LIMS1: variants seen among roughly 807,000 people sequenced by gnomAD.
LIMS1 encodes the protein LIM zinc finger domain containing 1, also known as LIM and senescent cell antigen-like-containing domain protein 1.
In LIMS1, 18 loss-of-function variants were observed where a neutral mutation model predicts 44.1. The observed-to-expected ratio is 0.41, with a 90% CI of 0.28 to 0.61. The LOEUF is 0.61. Ranked by LOEUF, LIMS1 falls within the 20% of genes least tolerant of loss-of-function variation. The pLI is 0.32. For synonymous variants in LIMS1, 93 were observed against 149.1 expected (o/e 0.62, Z 2.74); for missense variants, 201 against 422.0 (o/e 0.48, Z 4.59).
At chr2:108,633,085 A>G (rs553272594) in intron 1 of LIMS1, among the ~76,000 whole-genome samples, 2 of 152,262 alleles carry the variant, frequency 1.3e-5, no homozygotes, top group Non-Finnish European at 2.9e-5. Flanking sequence ...TTTAATGTTC[A>G]TCATGACGGC....
intron 1 of LIMS1, among the ~76,000 whole-genome samples, chr2:108,649,166 G>A (rs1268901243): frequency 6.6e-6 from 1 of 152,154 alleles, no homozygotes; most frequent in Non-Finnish European, 1.5e-5. Flanking sequence ...AGTGGGCAAA[G>A]GATATGAACA....
At chr2:108,571,564 G>C (rs767377060) in intron 1 of LIMS1, among the ~76,000 whole-genome samples, 6 of 152,180 alleles carry the variant, frequency 3.9e-5, no homozygotes, top group African/African-American at 7.2e-5. Context: ...TCTAAGGTGG[G>C]ACAATAAATA....
At chr2:108,535,505 G>T (rs1262690223) in intron 1 of LIMS1, among the ~76,000 whole-genome samples, 1 of 152,230 alleles carries the variant, frequency 6.6e-6, no homozygotes, top group Non-Finnish European at 1.5e-5. Flanking sequence ...CTGTCTTGCA[G>T]TTTGAATGCA....
intron 1 of LIMS1, among the ~76,000 whole-genome samples, chr2:108,594,537 AT>A (rs1686567478): frequency 6.6e-6 from 1 of 152,136 alleles, no homozygotes; most frequent in African/African-American, 2.4e-5. Context: ...AAATGAAAGG[AT>A]TCCAGGGTTT....
intron 1 of LIMS1, among the ~76,000 whole-genome samples, chr2:108,579,727 G>C (rs552732570): frequency 2.2e-4 from 33 of 152,222 alleles, no homozygotes; most frequent in Non-Finnish European, 2.5e-4. Flanking sequence ...GGCATGACTG[G>C]CATGGGGCAC....
chr2:108,621,144 C>T, intron 1 of LIMS1: 1 of 784,898 alleles, frequency 1.3e-6, no homozygotes, highest in Non-Finnish European at 1.9e-6. Context: ...GGTGCGAGGC[C>T]CAGAGATAAG....
intron 3 of LIMS1, 30 bp downstream of exon 3, chr2:108,670,877 AAG>A: frequency 6.3e-7 from 1 of 1,575,790 alleles, no homozygotes; most frequent in African/African-American, 1.3e-5. Context: ...GTCAAGTAAA[AAG>A]TAAGTTTCCG....
At chr2:108,575,841 G>C (rs935957521) in intron 1 of LIMS1, among the ~76,000 whole-genome samples, 1 of 152,124 alleles carries the variant, frequency 6.6e-6, no homozygotes, top group African/African-American at 2.4e-5. Flanking sequence ...TGGCTGTTTG[G>C]ATGGCATGTG....
intron 2 of LIMS1, among the ~76,000 whole-genome samples, chr2:108,669,415 A>C (rs1333062305): frequency 2.0e-5 from 3 of 152,170 alleles, no homozygotes; most frequent in Admixed American, 2.0e-4. Context: ...GAAAAAAAAA[A>C]AAGTTATTTT....
intron 1 of LIMS1, among the ~76,000 whole-genome samples, chr2:108,607,688 A>G (rs1184229009): frequency 6.6e-6 from 1 of 152,132 alleles, no homozygotes; most frequent in African/African-American, 2.4e-5. Flanking sequence ...TATAGTTTAT[A>G]TCCCTTAACT....
chr2:108,564,279 A>C (rs1685220672), intron 1 of LIMS1, among the ~76,000 whole-genome samples: 1 of 152,194 alleles, frequency 6.6e-6, no homozygotes, highest in Admixed American at 6.5e-5. Context: ...TTTAGACATA[A>C]TACTCTTGCA....
chr2:108,608,778 C>T (rs1330705354), intron 1 of LIMS1, among the ~76,000 whole-genome samples: 1 of 152,100 alleles, frequency 6.6e-6, no homozygotes, highest in Non-Finnish European at 1.5e-5. Flanking sequence ...CCATTCCAGT[C>T]CCCATTCTGT....
chr2:108,547,708 T>G (rs1020546146), intron 1 of LIMS1, among the ~76,000 whole-genome samples: 12 of 152,238 alleles, frequency 7.9e-5, no homozygotes, highest in Non-Finnish European at 1.5e-4. Flanking sequence ...CTTTCAAATT[T>G]TTCCTTGATA....
At chr2:108,597,363 C>T (rs1459723297) in intron 1 of LIMS1, among the ~76,000 whole-genome samples, 2 of 152,156 alleles carry the variant, frequency 1.3e-5, no homozygotes, top group Admixed American at 6.5e-5. Flanking sequence ...CACAGCAACA[C>T]GTGATTGTAA....
chr2:108,578,976 A>C (rs1213332126), intron 1 of LIMS1, among the ~76,000 whole-genome samples: 1 of 152,160 alleles, frequency 6.6e-6, no homozygotes, highest in Non-Finnish European at 1.5e-5. Flanking sequence ...CTCAAGAATA[A>C]ATTTAGTCTT....
At chr2:108,568,621 C>T (rs1469532239) in intron 1 of LIMS1, among the ~76,000 whole-genome samples, 1 of 152,050 alleles carries the variant, frequency 6.6e-6, no homozygotes, top group African/African-American at 2.4e-5. Context: ...TCCATAATAC[C>T]CACACCATTT....
chr2:108,569,764 C>CCTTTTTTTTTTTTTTTTTTTTTTTTTT (rs753691810), intron 1 of LIMS1, among the ~76,000 whole-genome samples: 17 of 113,128 alleles, frequency 1.5e-4, no homozygotes, highest in African/African-American at 5.8e-4. Flanking sequence ...CCATATCTGG[C>CCTTTTTTTTTTTTTTTTTTTTTTTTTT]TTTTTTTTTT....
chr2:108,544,912 C>T (rs1684435192), intron 1 of LIMS1, among the ~76,000 whole-genome samples: 1 of 152,138 alleles, frequency 6.6e-6, no homozygotes, highest in Admixed American at 6.5e-5. Flanking sequence ...AAGATAAGGA[C>T]TCTTCAAAAA....
chr2:108,603,847 T>C (rs1443008198), intron 1 of LIMS1, among the ~76,000 whole-genome samples: 1 of 152,186 alleles, frequency 6.6e-6, no homozygotes, highest in Non-Finnish European at 1.5e-5. Flanking sequence ...TATTGAACTT[T>C]ATTATTTCTT....
Sources: allele counts gnomAD v4.1 joint callset (sites outside exome capture counted in the v4.1 genomes callset), GRCh38; gene constraint gnomAD v4.1.1; transcripts MANE v1.5; gene names NCBI Gene and HGNC (gene_info 2026-07-23, HGNC 2026-07-21).